Variants in DAZL observed in about 807,000 individuals in gnomAD.
DAZL encodes the protein deleted in azoospermia-like.
DAZL carries 4 observed loss-of-function variants against 45.0 expected under a neutral mutation model. That is an observed-to-expected ratio of 0.09 (90% CI 0.04 to 0.20). DAZL has a LOEUF of 0.20. Ranked by LOEUF, DAZL falls within the 10% of genes least tolerant of loss-of-function variation. The pLI, the probability that DAZL is intolerant of heterozygous loss-of-function variation, is 1.00. For synonymous variants in DAZL, 122 were observed against 112.4 expected (o/e 1.09, Z -0.54); for missense variants, 326 against 351.3 (o/e 0.93, Z 0.58).
intron 1 of DAZL, chr3:16,604,407 C>G (rs1694741254): frequency 6.6e-7 from 1 of 1,505,798 alleles, no homozygotes; most frequent in Non-Finnish European, 8.9e-7. Context: ...TTTAAAAATT[C>G]TAAAATTCTT....
Position 16,604,769 on chromosome 3 carries a change from CGGGGCGGAGGCGCGTGGGAGTGGGGGA to C in DAZL, c.3+407_3+433del, listed in dbSNP as rs1314667112. The stretch of plus-strand genomic sequence containing the variant: ...GAGAGCGCGCCAGAAATGAGGCTGG[CGGGGCGGAGGCGCGTGGGAGTGGGGGA>C]GGGGCGGAGGCGCGTGAGTGGGGGA... On this transcript the variant is annotated intron_variant, in intron 1 of 10. Transcript: ENST00000399444. The C allele has an allele frequency of 9.6e-5, 128 of 1,331,088 alleles. No individual in the cohort carries two copies. The African/African-American group carries it at 1.5e-3, about 16-fold the overall frequency. The allele number at this position is 1,331,088 out of a possible 1,614,324, so 82.5% of individuals were successfully genotyped here. A position where few individuals can be genotyped will look rare whatever the true frequency, so the allele number is the denominator to read the frequency against.
In DAZL at chr3:16,598,106, G is replaced by T; in HGVS notation, c.223C>A (p.Arg75=). The T allele has an allele frequency of 1.9e-6, 3 of 1,596,040 alleles. No homozygotes were observed. Among genetic ancestry groups the T allele is most frequent in the South Asian group, 2.2e-5 (2 of 90,844 alleles). The change falls in exon 3 of 11, where the codon CGA becomes AGA. Residue 75 remains arginine, a synonymous_variant. Coordinates refer to ENST00000399444, the MANE Select transcript of DAZL (RefSeq NM_001351.4). Reference sequence around the variant, plus strand: ...ACTCACCCTTTGGACACACCAGTTCGATCAGTGATTATCTTCACTTCTTTC... The same window carrying T: ...ACTCACCCTTTGGACACACCAGTTCTATCAGTGATTATCTTCACTTCTTTC... The part of the protein sequence containing the change: ...SVKEVKIITD[R]TGVSKGYGFV...
At chr3:16,594,441 T>C in intron 8 of DAZL, 92 bp downstream of exon 8, 1 of 947,474 alleles carries the variant, frequency 1.1e-6, no homozygotes, top group South Asian at 1.6e-5. Context: ...AATATAGGCA[T>C]ATATGACATG....
rs1694765435 is a variant in DAZL, at chr3:16,605,406, G to C, written c.-201C>G. 5.9e-6 allele frequency: 4 copies of C among 674,286 alleles called. No individual in the cohort carries two copies. Among genetic ancestry groups the C allele is most frequent in the Non-Finnish European group, 1.1e-5 (4 of 378,076 alleles). 41.8% of individuals were successfully genotyped at this position (674,286 alleles called of 1,614,324 possible). A position where few individuals can be genotyped will look rare whatever the true frequency, so the allele number is the denominator to read the frequency against. The stretch of plus-strand genomic sequence containing the variant: ...GCCCCGAAAGGCGGACCGTCAGGCT[G>C]AGGAGCGCAGGCGGACTGAGGCGTG... On this transcript the variant is annotated 5_prime_UTR_variant, in exon 1 of 11. Transcript: ENST00000399444.
chr3:16,589,595 C>A (rs1347995193), intron 10 of DAZL, among the ~76,000 whole-genome samples: 3 of 152,144 alleles, frequency 2.0e-5, no homozygotes, highest in Non-Finnish European at 2.9e-5. Flanking sequence ...TAAATACATT[C>A]AAAAATACCT....
intron 1 of DAZL, chr3:16,604,699 G>A (rs964369454): frequency 7.4e-6 from 10 of 1,359,790 alleles, no homozygotes; most frequent in Admixed American, 6.8e-5. Context: ...AGTTTAAGAA[G>A]GCAAGTCCCT....
chr3:16,598,666 AT>A, intron 1 of DAZL, 68 bp from the exon 2 acceptor site: 1 of 1,468,956 alleles, frequency 6.8e-7, no homozygotes, highest in Non-Finnish European at 9.1e-7. Context: ...GTGAAATATA[AT>A]TTTTGTATTT....
chr3:16,601,985 T>C (rs1248334734), intron 1 of DAZL, among the ~76,000 whole-genome samples: 2 of 152,188 alleles, frequency 1.3e-5, no homozygotes, highest in African/African-American at 4.8e-5. Context: ...GGAAAAAGGC[T>C]ATAATTTGTA....
intron 1 of DAZL, among the ~76,000 whole-genome samples, chr3:16,601,037 A>C (rs1694681371): frequency 6.6e-6 from 1 of 152,222 alleles, no homozygotes; most frequent in African/African-American, 2.4e-5. Context: ...TTTGGTCCAA[A>C]ATTTGAATAG....
At chr3:16,604,455 T>G in intron 1 of DAZL, 2 of 1,532,914 alleles carry the variant, frequency 1.3e-6, no homozygotes, top group Non-Finnish European at 1.7e-6. Flanking sequence ...GCGGCAAAGA[T>G]GGCGTCAGGC....
In DAZL at chr3:16,598,080, T is replaced by C; in HGVS notation, c.242+7A>G. ...AGAGTTCAGATATTTTTGATAAAATTACTCACCCTTTGGACACACCAGTTC... is the reference window on the plus strand; with the variant it reads ...AGAGTTCAGATATTTTTGATAAAATCACTCACCCTTTGGACACACCAGTTC... On this transcript the variant is annotated splice_region_variant and intron_variant, in intron 3 of 10. Coordinates refer to ENST00000399444, the MANE Select transcript of DAZL (RefSeq NM_001351.4). 1.9e-6 allele frequency: 3 copies of C among 1,565,032 alleles called. No homozygotes were observed. Among genetic ancestry groups the C allele is most frequent in the Non-Finnish European group, 8.8e-7 (1 of 1,140,722 alleles).
chr3:16,595,879 G>C (rs1694592143), intron 6 of DAZL, among the ~76,000 whole-genome samples: 1 of 151,916 alleles, frequency 6.6e-6, no homozygotes, highest in African/African-American at 2.4e-5. Flanking sequence ...AACTGGAAAA[G>C]AAACAGTATA....
At chr3:16,591,904 C>T in intron 10 of DAZL, 146 bp downstream of exon 10, 2 of 904,896 alleles carry the variant, frequency 2.2e-6, no homozygotes, top group Non-Finnish European at 3.4e-6. Flanking sequence ...CAGGTAAAAC[C>T]CACTCTGGTT....
At chr3:16,604,898 C>T (rs2125050330) in intron 1 of DAZL, 6 of 705,090 alleles carry the variant, frequency 8.5e-6, no homozygotes, top group East Asian at 2.8e-5. Flanking sequence ...GTAGAGAACC[C>T]GAACCGGGAA....
intron 7 of DAZL, 48 bp from the exon 8 acceptor site, chr3:16,594,631 A>G (rs550972810): frequency 4.9e-5 from 70 of 1,426,206 alleles, no homozygotes; most frequent in African/African-American, 2.9e-4. Flanking sequence ...TATTCCTACA[A>G]ATTTTCAAAA....
intron 1 of DAZL, among the ~76,000 whole-genome samples, chr3:16,603,583 G>A (rs1157562397): frequency 2.0e-5 from 3 of 152,076 alleles, no homozygotes; most frequent in Non-Finnish European, 4.4e-5. Context: ...CTGACCTCAA[G>A]TGATCCACCC....
chr3:16,590,956 T>A (rs1189719048), intron 10 of DAZL, among the ~76,000 whole-genome samples: 1 of 152,192 alleles, frequency 6.6e-6, no homozygotes, highest in African/African-American at 2.4e-5. Context: ...TTACACAACT[T>A]TGAATATATG....
chr3:16,588,560 G>A lies in DAZL; in HGVS notation c.*100C>T, dbSNP rs1694472686. ...AATACAACTTATACACAAAGTTTGA[G>A]TGTGATTTACCAAAATTCAGAATTT... On this transcript the variant is annotated 3_prime_UTR_variant, in exon 11 of 11. Coordinates refer to ENST00000399444, the MANE Select transcript of DAZL (RefSeq NM_001351.4). The A allele has an allele frequency of 1.1e-6, 1 of 903,026 alleles. No homozygotes were observed. Among genetic ancestry groups the A allele is most frequent in the Non-Finnish European group, 1.9e-6 (1 of 535,872 alleles). The allele number at this position is 903,026 out of a possible 1,614,324, so 55.9% of individuals were successfully genotyped here.
intron 1 of DAZL, among the ~76,000 whole-genome samples, chr3:16,600,383 C>T (rs1034065297): frequency 6.6e-6 from 1 of 152,146 alleles, no homozygotes; most frequent in African/African-American, 2.4e-5. Context: ...TATTGCTTTT[C>T]TCTATTCGTT....
Sources: allele counts gnomAD v4.1 joint callset (sites outside exome capture counted in the v4.1 genomes callset), GRCh38; gene constraint gnomAD v4.1.1; transcripts MANE v1.5; gene names NCBI Gene and HGNC (gene_info 2026-07-23, HGNC 2026-07-21).